The following BABAM2 variants were observed in gnomAD, a reference collection of about 807,000 sequenced individuals.
BABAM2 encodes BRISC and BRCA1 A complex member 2.
BABAM2 carries 31 observed loss-of-function variants against 54.7 expected under a neutral mutation model. The observed-to-expected ratio is 0.57, with a 90% CI of 0.43 to 0.77. The LOEUF (loss-of-function observed/expected upper bound fraction) is 0.77. Among genes scored for constraint, BABAM2 ranks in the 30% least tolerant of loss-of-function variants. The pLI, the probability that BABAM2 is intolerant of heterozygous loss-of-function variation, is 0.00. For missense variants in BABAM2, 364 were observed against 455.8 expected (o/e 0.80, Z 1.83); for synonymous variants, 167 against 162.9 (o/e 1.03, Z -0.19).
intron 3 of BABAM2, among the ~76,000 whole-genome samples, chr2:27,979,008 A>G (rs927521092): frequency 4.0e-5 from 6 of 149,226 alleles, no homozygotes; most frequent in Admixed American, 1.4e-4. Context: ...TCCATGGTGT[A>G]TATGTACCAC....
rs1558479010 is a variant in BABAM2, at chr2:28,258,622, T to TTTTTTTTTTTTTTTTTTTC, written c.934+13769_934+13770insTTTTTTTTTCTTTTTTTTT. Among the ~76,000 whole-genome samples the TTTTTTTTTTTTTTTTTTTC allele has an allele frequency of 7.3e-5, 10 of 136,242 alleles. 1 individual carries two copies. The highest frequency in any genetic ancestry group is 9.4e-5 in the Non-Finnish European group (6 of 63,778). The allele number at this position is 136,242 out of a possible 152,430, so 89.4% of individuals were successfully genotyped here. A position where few individuals can be genotyped will look rare whatever the true frequency, so the allele number is the denominator to read the frequency against. Reference sequence around the variant, plus strand: ...CTTTTTCTTTTTTCTTTTCTTTTTTTTTTTTTTTTGAGACAGGATGTTGCT... The same window carrying TTTTTTTTTTTTTTTTTTTC: ...CTTTTTCTTTTTTCTTTTCTTTTTTTTTTTTTTTTTTTTTTTTTCTTTTTTTTTGAGACAGGATGTTGCT... On this transcript the variant is annotated intron_variant, in intron 10 of 11. Transcript: ENST00000379624.
intron 6 of BABAM2, among the ~76,000 whole-genome samples, chr2:28,054,142 TGATG>T (rs1336320831): frequency 1.3e-5 from 2 of 152,062 alleles, no homozygotes; most frequent in African/African-American, 4.8e-5. Flanking sequence ...CTTTTCTAGA[TGATG>T]GAGGGGAGTG....
intron 4 of BABAM2, among the ~76,000 whole-genome samples, chr2:28,013,665 TAAAAA>T (rs55636414): frequency 4.5e-4 from 26 of 58,066 alleles, no homozygotes; most frequent in African/African-American, 1.4e-3. Context: ...GTCCAGCAAG[TAAAAA>T]AAAAAAAAAA....
intron 11 of BABAM2, among the ~76,000 whole-genome samples, chr2:28,328,816 CCA>C (rs1366890875): frequency 2.0e-5 from 3 of 152,176 alleles, no homozygotes; most frequent in Admixed American, 1.3e-4. Flanking sequence ...GTTGTGAGCA[CCA>C]CCTTTGCAAA....
intron 3 of BABAM2, among the ~76,000 whole-genome samples, chr2:27,934,061 G>A (rs1032395264): frequency 2.0e-5 from 3 of 151,818 alleles, no homozygotes; most frequent in African/African-American, 4.8e-5. Context: ...CTTCAACAAG[G>A]ATTTTTTTTT....
At chr2:28,020,579 A>G (rs999088729) in intron 4 of BABAM2, among the ~76,000 whole-genome samples, 2 of 152,176 alleles carry the variant, frequency 1.3e-5, no homozygotes, top group Non-Finnish European at 2.9e-5. Flanking sequence ...AGTTGTAATC[A>G]TAATGTATAT....
chr2:28,305,062 T>G (rs1243218862), intron 11 of BABAM2, among the ~76,000 whole-genome samples: 1 of 152,210 alleles, frequency 6.6e-6, no homozygotes, highest in Non-Finnish European at 1.5e-5. Context: ...TGTTTCTTTT[T>G]CCACCTACTT....
chr2:28,043,096 A>G (rs1297975439), intron 5 of BABAM2, among the ~76,000 whole-genome samples: 1 of 151,748 alleles, frequency 6.6e-6, no homozygotes, highest in African/African-American at 2.4e-5. Flanking sequence ...TTAATTATAT[A>G]GGAGAAAGAG....
chr2:28,216,290 C>G (rs1679910366), intron 7 of BABAM2, among the ~76,000 whole-genome samples: 1 of 152,114 alleles, frequency 6.6e-6, no homozygotes, highest in South Asian at 2.1e-4. Flanking sequence ...ACCTAGCCTC[C>G]TTTACAATAT....
intron 6 of BABAM2, among the ~76,000 whole-genome samples, chr2:28,056,469 A>G (rs190718152): frequency 2.8e-4 from 42 of 152,216 alleles, no homozygotes; most frequent in African/African-American, 9.9e-4. Flanking sequence ...AGTTTATTTA[A>G]AATTTTTTTT....
chr2:28,133,778 A>G (rs1670290477), intron 7 of BABAM2, among the ~76,000 whole-genome samples: 1 of 152,204 alleles, frequency 6.6e-6, no homozygotes, highest in Non-Finnish European at 1.5e-5. Flanking sequence ...GATTTGTTGT[A>G]CCCTAAAAAG....
intron 2 of BABAM2, among the ~76,000 whole-genome samples, chr2:27,927,422 G>A (rs1286281944): frequency 6.6e-6 from 1 of 152,138 alleles, no homozygotes; most frequent in East Asian, 1.9e-4. Flanking sequence ...TAAATTTAAA[G>A]CATTGCAGTT....
At chr2:28,076,486 TTAG>T (rs202178105) in intron 6 of BABAM2, among the ~76,000 whole-genome samples, 7,058 of 141,564 alleles carry the variant, frequency 0.05, 183 homozygotes, top group South Asian at 0.11. Flanking sequence ...ATTTATTTAG[TTAG>T]TTAGTTAGTT....
intron 3 of BABAM2, among the ~76,000 whole-genome samples, chr2:27,938,137 G>C (rs1381084501): frequency 1.3e-5 from 2 of 152,034 alleles, no homozygotes; most frequent in Admixed American, 1.3e-4. Context: ...TTATTTCTGG[G>C]CTTTCCATTA....
At chr2:28,335,332 G>C (rs1200397589) in intron 11 of BABAM2, among the ~76,000 whole-genome samples, 1 of 151,912 alleles carries the variant, frequency 6.6e-6, no homozygotes, top group African/African-American at 2.4e-5. Flanking sequence ...ACCACACCCG[G>C]CTAATTTTTA....
intron 10 of BABAM2, among the ~76,000 whole-genome samples, chr2:28,273,517 G>A (rs1001400456): frequency 1.5e-4 from 23 of 152,086 alleles, no homozygotes; most frequent in African/African-American, 4.6e-4. Flanking sequence ...TCAGGAGTTC[G>A]AGACCAGCCT....
In BABAM2 at chr2:28,007,770, A is replaced by G. The variant is rs74687201; in HGVS notation, c.301-17456A>G. Among the ~76,000 whole-genome samples, 574 of 152,220 alleles carry G rather than the reference A, an allele frequency of 3.8e-3. 3 individuals are homozygous for G. The highest frequency in any genetic ancestry group is 0.013 in the African/African-American group (543 of 41,554). ...CTTTGGAAAGAAATTATGTCTTAGA[A>G]TGCTTTTAAGATACTGTTTTTCAGA... On this transcript the variant is annotated intron_variant, in intron 4 of 11. Coordinates refer to ENST00000379624, the MANE Select transcript of BABAM2 (RefSeq NM_199191.3).
intron 5 of BABAM2, among the ~76,000 whole-genome samples, chr2:28,033,849 A>G (rs529878340): frequency 1.3e-5 from 2 of 152,000 alleles, no homozygotes; most frequent in Non-Finnish European, 2.9e-5. Flanking sequence ...TTCCAAAACC[A>G]TATAGTTTAC....
At chr2:28,184,598 G>A (rs1169902815) in intron 7 of BABAM2, among the ~76,000 whole-genome samples, 3 of 151,416 alleles carry the variant, frequency 2.0e-5, no homozygotes, top group Admixed American at 6.6e-5. Flanking sequence ...TTGTCCTTGC[G>A]ATAGTTTGCT....
Sources: allele counts gnomAD v4.1 joint callset (sites outside exome capture counted in the v4.1 genomes callset), GRCh38; gene constraint gnomAD v4.1.1; transcripts MANE v1.5; gene names NCBI Gene and HGNC (gene_info 2026-07-23, HGNC 2026-07-21).